The following CSMD1 variants were observed in gnomAD, a reference collection of about 807,000 sequenced individuals.
CSMD1 encodes CUB and sushi domain-containing protein 1.
A neutral mutation model predicts 417.5 loss-of-function variants in CSMD1; 213 were observed. The observed-to-expected ratio is 0.51, with a 90% CI of 0.46 to 0.57. The LOEUF (loss-of-function observed/expected upper bound fraction) is 0.57, where lower values mean the gene tolerates loss of function less well. Ranked by LOEUF, CSMD1 falls within the 20% of genes least tolerant of loss-of-function variation. CSMD1 has a pLI of 0.00. For missense variants in CSMD1, 6,923 were observed against 4,529.7 expected (o/e 1.53, Z -15.17); for synonymous variants, 2,862 against 1,736.8 (o/e 1.65, Z -16.11).
intron 3 of CSMD1, among the ~76,000 whole-genome samples, chr8:4,120,608 A>T (rs4875284): frequency 0.99 from 150,692 of 152,326 alleles, 74,563 homozygotes; most frequent in East Asian, 1. Context: ...TTTGGGTGCC[A>T]AATAGACAGT....
chr8:4,494,806 A>G (rs1324689670), intron 2 of CSMD1, among the ~76,000 whole-genome samples: 2 of 152,214 alleles, frequency 1.3e-5, no homozygotes, highest in Non-Finnish European at 2.9e-5. Context: ...TGTGGAAAAT[A>G]GACTAGGAAA....
chr8:4,984,567 T>G (rs756135689), intron 1 of CSMD1, among the ~76,000 whole-genome samples: 77 of 152,234 alleles, frequency 5.1e-4, no homozygotes, highest in Non-Finnish European at 1.1e-3. Context: ...CTCAACATCC[T>G]CATCTTCAGT....
chr8:3,143,436 C>G (rs4875257), intron 40 of CSMD1, among the ~76,000 whole-genome samples: 50,323 of 152,118 alleles, frequency 0.33, 10,722 homozygotes, highest in Non-Finnish European at 0.47. Flanking sequence ...TGACCAGTAT[C>G]TCTGATATCA....
At chr8:4,092,159 A>G (rs986848176) in intron 3 of CSMD1, among the ~76,000 whole-genome samples, 23 of 152,198 alleles carry the variant, frequency 1.5e-4, no homozygotes, top group Admixed American at 5.2e-4. Context: ...AAATTCTACT[A>G]AAGAGGACAA....
chr8:4,601,097 C>CA (rs1433062906), intron 2 of CSMD1, among the ~76,000 whole-genome samples: 17 of 151,976 alleles, frequency 1.1e-4, no homozygotes, highest in African/African-American at 3.9e-4. Flanking sequence ...GCTGGGATTA[C>CA]AGGCATGCGC....
chr8:3,667,766 G>C (rs891164089), intron 7 of CSMD1, among the ~76,000 whole-genome samples: 1 of 152,086 alleles, frequency 6.6e-6, no homozygotes, highest in African/African-American at 2.4e-5. Flanking sequence ...CAACCTTCAG[G>C]GAGCAAGTGT....
At chr8:4,130,397 T>A (rs570508220) in intron 3 of CSMD1, among the ~76,000 whole-genome samples, 194 of 152,294 alleles carry the variant, frequency 1.3e-3, no homozygotes, top group African/African-American at 4.4e-3. Context: ...ATACTTTTGA[T>A]CAACTTTTTT....
chr8:4,860,832 A>C (rs1802087003), intron 1 of CSMD1, among the ~76,000 whole-genome samples: 1 of 152,140 alleles, frequency 6.6e-6, no homozygotes. Flanking sequence ...TCCCCAACAC[A>C]GCATAATTAT....
intron 49 of CSMD1, among the ~76,000 whole-genome samples, chr8:3,066,439 T>A (rs1309601268): frequency 1.3e-5 from 2 of 152,186 alleles, no homozygotes; most frequent in Non-Finnish European, 1.5e-5. Context: ...CATTACGCAT[T>A]TGAACAGACC....
chr8:3,077,676 C>T (rs191246124), intron 49 of CSMD1, among the ~76,000 whole-genome samples: 1 of 152,260 alleles, frequency 6.6e-6, no homozygotes, highest in Non-Finnish European at 1.5e-5. Context: ...CCCATCGGGG[C>T]CTTACCCACT....
At chr8:2,979,499 A>T (rs568568657) in intron 54 of CSMD1, among the ~76,000 whole-genome samples, 1 of 152,224 alleles carries the variant, frequency 6.6e-6, no homozygotes, top group East Asian at 1.9e-4. Flanking sequence ...AGGAAAAGAA[A>T]GAACTCTGAT....
Position 3,087,256 on chromosome 8 carries a change from T to G in CSMD1, c.7315A>C (p.Lys2439Gln). The change falls in exon 49 of 70, where the codon AAG (lysine) becomes CAG (glutamine). Residue 2439 changes from lysine (K) to glutamine (Q), a missense_variant. Physicochemically the swap from Lys to Gln is moderately conservative, Grantham distance 53. Transcript: ENST00000635120. ...GTCCTGTTTAGAATACCCCCATTCT[T>G]CAGGGGGTGGGTCAAACTGCAGTAA... is the stretch of plus-strand genomic sequence containing the variant. Reference protein sequence around the residue: ...APYCSLTHPLKNGGILNRTAG... With the variant: ...APYCSLTHPLQNGGILNRTAG... 6.2e-7 allele frequency: 1 copy of G among 1,613,936 alleles called. No homozygotes were observed. The highest frequency in any genetic ancestry group is 8.5e-7 in the Non-Finnish European group (1 of 1,179,868).
chr8:4,536,153 A>G (rs1797092645), intron 2 of CSMD1, among the ~76,000 whole-genome samples: 1 of 152,138 alleles, frequency 6.6e-6, no homozygotes, highest in Non-Finnish European at 1.5e-5. Context: ...ATAAACCGCA[A>G]CTCAGTAAGT....
At chr8:4,623,628 T>C (rs544118518) in intron 2 of CSMD1, among the ~76,000 whole-genome samples, 58 of 152,250 alleles carry the variant, frequency 3.8e-4, no homozygotes, top group Admixed American at 5.9e-4. Context: ...TAGCTGTATA[T>C]TGGAATTCTG....
At chr8:4,024,851 G>C (rs186988553) in intron 4 of CSMD1, among the ~76,000 whole-genome samples, 30 of 152,290 alleles carry the variant, frequency 2.0e-4, no homozygotes, top group South Asian at 1.9e-3. Context: ...ATGCTGCTGA[G>C]AATTGTTTTC....
Position 4,761,909 on chromosome 8 carries a change from ATCAATCTATCT to A in CSMD1, c.86-124362_86-124352del, listed in dbSNP as rs1563319711. On this transcript the variant is annotated intron_variant, in intron 1 of 69. Transcript: ENST00000635120. The stretch of plus-strand genomic sequence containing the variant: ...TATCTACCTACCTATCTATCTATCT[ATCAATCTATCT>A]ATCTATCTATCTATCTATCTATCTA... 8.5e-5 allele frequency among the ~76,000 whole-genome samples: 6 copies of A among 70,774 alleles called. No individual in the cohort carries two copies. In the East Asian group the frequency reaches 1.8e-3, roughly 21 times the overall value. The allele number at this position is 70,774 out of a possible 152,430, so 46.4% of individuals were successfully genotyped here.
intron 5 of CSMD1, among the ~76,000 whole-genome samples, chr8:3,913,641 G>A (rs1430826463): frequency 1.3e-5 from 2 of 152,174 alleles, no homozygotes; most frequent in African/African-American, 2.4e-5. Context: ...GAGTCATCCA[G>A]CATTGAGACA....
At chr8:3,298,106 G>A (rs966476806) in intron 25 of CSMD1, among the ~76,000 whole-genome samples, 29 of 152,142 alleles carry the variant, frequency 1.9e-4, no homozygotes, top group Admixed American at 1.7e-3. Context: ...AGAAAGTGAA[G>A]TTCCTGAAAT....
At chr8:4,601,583 G>T (rs768485977) in intron 2 of CSMD1, among the ~76,000 whole-genome samples, 10 of 152,164 alleles carry the variant, frequency 6.6e-5, no homozygotes, top group Non-Finnish European at 1.5e-4. Context: ...TACTTTAGTA[G>T]TAAGAGTTCA....
Sources: allele counts gnomAD v4.1 joint callset (sites outside exome capture counted in the v4.1 genomes callset), GRCh38; gene constraint gnomAD v4.1.1; transcripts MANE v1.5; gene names NCBI Gene and HGNC (gene_info 2026-07-23, HGNC 2026-07-21).